A2M: variants seen among roughly 807,000 people sequenced by gnomAD.
A2M encodes the protein C3 and PZP-like alpha-2-macroglobulin domain-containing protein 5.
In A2M, 128 loss-of-function variants were observed where a neutral mutation model predicts 183.9. The ratio of observed to expected loss-of-function variants is 0.70; its 90% confidence interval spans 0.60 to 0.81. The LOEUF is 0.81. Among genes scored for constraint, A2M ranks in the 30% least tolerant of loss-of-function variants. The pLI is 0.00. For missense variants in A2M, 1,495 were observed against 1,787.6 expected, an observed-to-expected ratio of 0.84 and a Z score of 2.95; for synonymous variants, 592 against 670.8, an observed-to-expected ratio of 0.88 and a Z score of 1.81.
At chr12:9,071,431 AAT>A (rs915053068) in intron 31 of A2M, among the ~76,000 whole-genome samples, 1 of 151,516 alleles carries the variant, frequency 6.6e-6, no homozygotes, top group Non-Finnish European at 1.5e-5. Flanking sequence ...AAATGAAAAA[AAT>A]ATATATATAT....
chr12:9,078,745 T>C (rs564147365), intron 25 of A2M, among the ~76,000 whole-genome samples: 2 of 152,246 alleles, frequency 1.3e-5, no homozygotes, highest in Non-Finnish European at 2.9e-5. Context: ...TGACAGAATC[T>C]TCTCACATGC....
intron 21 of A2M, among the ~76,000 whole-genome samples, 178 bp downstream of exon 21, chr12:9,089,722 CAG>C (rs1276479941): frequency 6.6e-6 from 1 of 152,030 alleles, no homozygotes; most frequent in Admixed American, 6.6e-5. Context: ...GCCTGGATGA[CAG>C]AGCAAGACTC....
In A2M at chr12:9,098,679, G is replaced by A. The variant is rs868449593; in HGVS notation, c.1779C>T (p.Ser593=). The A allele has an allele frequency of 3.7e-6, 6 of 1,611,708 alleles. No individual in the cohort carries two copies. The highest frequency in any genetic ancestry group is 2.2e-5 in the East Asian group (1 of 44,874). The change falls in exon 15 of 36, where the codon TCC becomes TCT. Residue 593 remains serine, a synonymous_variant. Coordinates refer to ENST00000318602, the MANE Select transcript of A2M (RefSeq NM_000014.6). ...AHLRVTAAPQ[S]VCALRAVDQS... is the part of the protein sequence containing the mutation. The stretch of plus-strand genomic sequence containing the variant: ...GGTCCACAGCACGGAGGGCGCAGAC[G>A]GACTGAGGAGCCGCTGTGACTCGCA...
Position 9,096,843 on chromosome 12 carries a change from T to A in A2M, c.1852-1143A>T, listed in dbSNP as rs942887522. ...CAGACAATGTAAGTTCCATGAGACA[T>A]ACATTTTTATCTTTCCAGTAGCTCA... On this transcript the variant is annotated intron_variant, in intron 15 of 35. Transcript: ENST00000318602. Among the ~76,000 whole-genome samples, 3 of 152,216 alleles carry A rather than the reference T, an allele frequency of 2.0e-5. No homozygotes were observed. The East Asian group carries it at 5.8e-4, about 29-fold the overall frequency.
In A2M at chr12:9,091,310, C is replaced by G. The variant is rs769215470; in HGVS notation, c.2360G>C (p.Arg787Pro). The change falls in exon 19 of 36, where the codon CGA becomes CCA. Residue 787 changes from arginine to proline, a missense_variant. Physicochemically the swap from Arg to Pro is moderately radical, Grantham distance 103 (BLOSUM62 -2). Coordinates refer to ENST00000318602, the MANE Select transcript of A2M (RefSeq NM_000014.6). ...CTCCACAAAGAAGGGCTGGAAGGCT[C>G]GGAGAGAGGCAGTGGAAGAGATACC... ...GLGISSTASL[R>P]AFQPFFVELT... The G allele has an allele frequency of 8.1e-6, 13 of 1,613,950 alleles. No homozygotes were observed. The highest frequency in any genetic ancestry group is 1.1e-5 in the Non-Finnish European group (13 of 1,180,030).
intron 18 of A2M, among the ~76,000 whole-genome samples, chr12:9,092,203 C>T (rs1249762119): frequency 3.3e-5 from 5 of 152,036 alleles, no homozygotes; most frequent in Admixed American, 1.3e-4. Context: ...GCTCGCCCCA[C>T]GGATAAAACC....
At chr12:9,094,338 T>C (rs1436059424) in intron 17 of A2M, among the ~76,000 whole-genome samples, 1 of 113,834 alleles carries the variant, frequency 8.8e-6, no homozygotes, top group Non-Finnish European at 1.8e-5. Context: ...AAAAAAATTG[T>C]GCATATATAT....
At position 9,090,432 on chromosome 12, in the gene A2M, C is replaced by T; in HGVS notation, c.2520G>A (p.Glu840=). 6.2e-7 allele frequency: 1 copy of T among 1,613,996 alleles called. No individual in the cohort carries two copies. ...ASPAFLAVPV[E]KEQAPHCICA... ...AGATGCAGTGAGGCGCTTGTTCCTT[C>T]TCCACTGGGACAGCTAGGAAGGCGG... The change falls in exon 20 of 36, where the codon GAG becomes GAA. Residue 840 remains glutamate, a synonymous_variant. Transcript: ENST00000318602.
chr12:9,111,621 A>G, intron 4 of A2M: 1 of 432,032 alleles, frequency 2.3e-6, no homozygotes, highest in East Asian at 7.0e-5. Context: ...GAGCTAGAAG[A>G]GAAGAGTTGC....
At chr12:9,075,472 G>A (rs1472099051) in intron 28 of A2M, among the ~76,000 whole-genome samples, 1 of 152,124 alleles carries the variant, frequency 6.6e-6, no homozygotes, top group Non-Finnish European at 1.5e-5. Flanking sequence ...GGAGAAACTC[G>A]ATGTGTAAAT....
At chr12:9,112,307 G>T in intron 3 of A2M, 70 bp downstream of exon 3, 1 of 1,600,756 alleles carries the variant, frequency 6.2e-7, no homozygotes, top group Non-Finnish European at 8.6e-7. Context: ...TAGGAACTTT[G>T]CCTGGGGAAC....
At chr12:9,081,510 C>A (rs1261144931) in intron 22 of A2M, among the ~76,000 whole-genome samples, 1 of 152,208 alleles carries the variant, frequency 6.6e-6, no homozygotes, top group Non-Finnish European at 1.5e-5. Context: ...TAGCTGCTAT[C>A]CACAGATCAG....
chr12:9,081,859 T>C (rs1387041696), intron 22 of A2M, among the ~76,000 whole-genome samples: 2 of 152,226 alleles, frequency 1.3e-5, no homozygotes, highest in East Asian at 3.9e-4. Flanking sequence ...GTGACCAGCA[T>C]GTGGATTTTG....
intron 7 of A2M, 78 bp from the exon 8 acceptor site, chr12:9,107,722 T>C (rs944884101): frequency 1.5e-4 from 230 of 1,536,388 alleles, no homozygotes; most frequent in Non-Finnish European, 1.9e-4. Context: ...ATCTCCCCTT[T>C]AGCTACAGTA....
chr12:9,092,942 G>A (rs1949256674), intron 18 of A2M, among the ~76,000 whole-genome samples: 1 of 152,226 alleles, frequency 6.6e-6, no homozygotes, highest in Admixed American at 6.5e-5. Context: ...AGAAGATCCT[G>A]CCACTTGTGA....
chr12:9,085,394 T>C (rs1949024104), intron 22 of A2M, among the ~76,000 whole-genome samples: 1 of 151,908 alleles, frequency 6.6e-6, no homozygotes, highest in Non-Finnish European at 1.5e-5. Flanking sequence ...GAAAATTAAA[T>C]GACATGCTCC....
chr12:9,074,800 A>T lies in A2M; in HGVS notation c.3533-17T>A. The T allele has an allele frequency of 3.8e-6, 6 of 1,587,372 alleles. No homozygotes were observed. The highest frequency in any genetic ancestry group is 5.1e-6 in the Non-Finnish European group (6 of 1,166,786). Reference sequence around the variant, plus strand: ...CAGAGTTGTCTTAAAGATGAGAAAAAGATATTTATAAGTGCCTACATATTT... The same window carrying T: ...CAGAGTTGTCTTAAAGATGAGAAAATGATATTTATAAGTGCCTACATATTT... On this transcript the variant is annotated splice_polypyrimidine_tract_variant and intron_variant, in intron 28 of 35. Coordinates refer to ENST00000318602, the MANE Select transcript of A2M (RefSeq NM_000014.6).
intron 35 of A2M, 157 bp downstream of exon 35, chr12:9,068,026 C>T (rs1009284297): frequency 2.7e-4 from 264 of 975,770 alleles, no homozygotes; most frequent in Non-Finnish European, 3.6e-4. Context: ...ACAGAGTCAG[C>T]GGCCCTCTCC....
chr12:9,095,586 T>G lies in A2M; in HGVS notation c.1966A>C (p.Thr656Pro). ...HNVYINGITYTPVSSTNEKDM... is the reference protein window; with the variant it reads ...HNVYINGITYPPVSSTNEKDM... ...TTTTCATTTGTACTTGATACTGGAG[T>G]ATATGTGATTCCATTAATATAGACA... Residue 656 changes from threonine (T) to proline (P), a missense_variant, in exon 16 of 36, where the codon ACT (threonine) becomes CCT (proline). Physicochemically the swap from Thr to Pro is conservative, Grantham distance 38. Coordinates refer to ENST00000318602, the MANE Select transcript of A2M (RefSeq NM_000014.6). 2 of 1,612,046 alleles carry G rather than the reference T, an allele frequency of 1.2e-6. No individual in the cohort carries two copies. The highest frequency in any genetic ancestry group is 1.7e-6 in the Non-Finnish European group (2 of 1,178,292).
Sources: allele counts gnomAD v4.1 joint callset (sites outside exome capture counted in the v4.1 genomes callset), GRCh38; gene constraint gnomAD v4.1.1; transcripts MANE v1.5; gene names NCBI Gene and HGNC (gene_info 2026-07-23, HGNC 2026-07-21).